TBC1D22A: variants seen among roughly 807,000 people sequenced by gnomAD.
TBC1D22A encodes putative GTPase activator.
In TBC1D22A, 38 loss-of-function variants were observed where a neutral mutation model predicts 60.2. That is an observed-to-expected ratio of 0.63 (90% CI 0.49 to 0.83). The LOEUF (loss-of-function observed/expected upper bound fraction) is 0.83. Ranked by LOEUF, TBC1D22A falls within the 40% of genes least tolerant of loss-of-function variation. TBC1D22A has a pLI of 0.00. For missense variants in TBC1D22A, 628 were observed against 701.0 expected (o/e 0.90, Z 1.18); for synonymous variants, 302 against 281.7 (o/e 1.07, Z -0.72).
chr22:47,114,947 C>T (rs2065977845), intron 12 of TBC1D22A, among the ~76,000 whole-genome samples: 1 of 151,946 alleles, frequency 6.6e-6, no homozygotes, highest in Admixed American at 6.6e-5. Flanking sequence ...GGCCTTTGAG[C>T]CTCATGCGGG....
At chr22:46,919,372 C>T (rs958667427) in intron 8 of TBC1D22A, among the ~76,000 whole-genome samples, 7 of 152,180 alleles carry the variant, frequency 4.6e-5, no homozygotes, top group African/African-American at 7.2e-5. Context: ...TCTCCGGGTA[C>T]GGACGCAGCA....
At chr22:46,904,897 C>T (rs1020495169) in intron 7 of TBC1D22A, among the ~76,000 whole-genome samples, 2 of 152,016 alleles carry the variant, frequency 1.3e-5, no homozygotes, top group East Asian at 3.9e-4. Context: ...GCCTCAGCCT[C>T]CTGTGTAGCT....
intron 8 of TBC1D22A, among the ~76,000 whole-genome samples, chr22:46,941,119 A>ACACG (rs1345527572): frequency 4.2e-5 from 4 of 94,886 alleles, no homozygotes; most frequent in African/African-American, 1.9e-4. Context: ...ACACACACAC[A>ACACG]CACACACACA....
At chr22:47,016,084 T>G (rs1206994730) in intron 10 of TBC1D22A, among the ~76,000 whole-genome samples, 2 of 152,184 alleles carry the variant, frequency 1.3e-5, no homozygotes, top group Admixed American at 6.5e-5. Context: ...CCTGGTTCTG[T>G]CCCGGCACGC....
At chr22:46,927,838 A>G (rs1179076438) in intron 8 of TBC1D22A, among the ~76,000 whole-genome samples, 1 of 152,246 alleles carries the variant, frequency 6.6e-6, no homozygotes, top group South Asian at 2.1e-4. Flanking sequence ...CATCAGAATG[A>G]ATAAGATACT....
intron 12 of TBC1D22A, among the ~76,000 whole-genome samples, chr22:47,148,519 G>A (rs1047526365): frequency 6.6e-6 from 1 of 151,896 alleles, no homozygotes; most frequent in Non-Finnish European, 1.5e-5. Context: ...CGTCTCAAGG[G>A]CCTGAACAGA....
intron 11 of TBC1D22A, among the ~76,000 whole-genome samples, chr22:47,104,694 CA>C (rs34812715): frequency 0.3 from 30,370 of 102,026 alleles, 3,857 homozygotes; most frequent in Non-Finnish European, 0.4. Context: ...GACTCTGTCT[CA>C]AAAAAAAAAA....
intron 12 of TBC1D22A, among the ~76,000 whole-genome samples, chr22:47,115,539 G>T (rs147273528): frequency 1.1e-3 from 175 of 152,314 alleles, no homozygotes; most frequent in African/African-American, 3.9e-3. Context: ...GTGGAAAGTT[G>T]TGTGTCCCGC....
chr22:46,957,247 G>A (rs1029294671), intron 8 of TBC1D22A, among the ~76,000 whole-genome samples: 2 of 152,260 alleles, frequency 1.3e-5, no homozygotes, highest in African/African-American at 2.4e-5. Context: ...GGAGGTTTGA[G>A]TAGTGCTGTA....
At chr22:47,019,362 C>T (rs1340341411) in intron 10 of TBC1D22A, among the ~76,000 whole-genome samples, 1 of 152,256 alleles carries the variant, frequency 6.6e-6, no homozygotes, top group Non-Finnish European at 1.5e-5. Flanking sequence ...ATGAGCTAGA[C>T]AAGGTCCTTC....
At chr22:46,851,445 T>C (rs1369189681) in intron 4 of TBC1D22A, among the ~76,000 whole-genome samples, 5 of 152,234 alleles carry the variant, frequency 3.3e-5, no homozygotes, top group African/African-American at 1.2e-4. Context: ...GCTTGGTGCC[T>C]GAGTGCCTGT....
chr22:46,916,039 C>T (rs2147809534), intron 8 of TBC1D22A: 1 of 435,852 alleles, frequency 2.3e-6, no homozygotes, highest in Non-Finnish European at 4.5e-6. Context: ...ACAGATCATC[C>T]CCCGAGGATG....
chr22:47,112,005 C>T (rs531870600), intron 12 of TBC1D22A, among the ~76,000 whole-genome samples: 6 of 152,206 alleles, frequency 3.9e-5, no homozygotes, highest in African/African-American at 1.4e-4. Flanking sequence ...GCCTGGGGTG[C>T]CTTCCAGCCA....
At chr22:47,012,114 G>A (rs1350734870) in intron 10 of TBC1D22A, among the ~76,000 whole-genome samples, 1 of 152,082 alleles carries the variant, frequency 6.6e-6, no homozygotes, top group African/African-American at 2.4e-5. Flanking sequence ...CATCGTGCTG[G>A]GAGGAGAGGC....
intron 7 of TBC1D22A, among the ~76,000 whole-genome samples, chr22:46,902,807 G>A (rs973408897): frequency 3.3e-5 from 5 of 150,252 alleles, no homozygotes; most frequent in Admixed American, 6.6e-5. Flanking sequence ...TGGGCACGTG[G>A]GGACACGAAG....
At chr22:46,907,417 A>G (rs2069567774) in intron 7 of TBC1D22A, among the ~76,000 whole-genome samples, 1 of 152,182 alleles carries the variant, frequency 6.6e-6, no homozygotes, top group African/African-American at 2.4e-5. Flanking sequence ...GGTAGAGGAA[A>G]CAGATGGGAG....
chr22:47,077,640 G>A (rs1433937085), intron 11 of TBC1D22A, among the ~76,000 whole-genome samples: 1 of 152,196 alleles, frequency 6.6e-6, no homozygotes, highest in Admixed American at 6.5e-5. Context: ...CAGCAATGAG[G>A]TGCTCACACT....
chr22:47,006,831 AC>A (rs1384660996), intron 10 of TBC1D22A, among the ~76,000 whole-genome samples: 2 of 152,054 alleles, frequency 1.3e-5, no homozygotes, highest in African/African-American at 4.8e-5. Flanking sequence ...GCCTTCCCTG[AC>A]AGGCTGCTTT....
chr22:46,901,693 G>A (rs764597278), intron 7 of TBC1D22A, among the ~76,000 whole-genome samples: 5 of 124,212 alleles, frequency 4.0e-5, no homozygotes, highest in Non-Finnish European at 8.5e-5. Flanking sequence ...CATTCATCAA[G>A]TGTTATAACT....
Sources: gnomAD v4.1 joint callset for allele counts (sites outside exome capture counted in the v4.1 genomes callset) on GRCh38, gnomAD v4.1.1 for gene constraint, MANE v1.5 for transcripts, NCBI Gene and HGNC (gene_info 2026-07-23, HGNC 2026-07-21) for gene names.